Variants in EPHB3 observed in about 807,000 individuals in gnomAD.
EPHB3 encodes the protein ephrin type-B receptor 3.
In EPHB3, 33 loss-of-function variants were observed where a neutral mutation model predicts 100.2. That is an observed-to-expected ratio of 0.33 (90% CI 0.25 to 0.44). The LOEUF is 0.44. Ranked by LOEUF, EPHB3 falls within the 20% of genes least tolerant of loss-of-function variation. The pLI is 1.00. For synonymous variants in EPHB3, 526 were observed against 554.7 expected (o/e 0.95, Z 0.73); for missense variants, 1,045 against 1,378.3 (o/e 0.76, Z 3.83).
chr3:184,571,387 G>A lies in EPHB3; in HGVS notation c.183+5G>A. On this transcript the variant is annotated splice_donor_5th_base_variant and intron_variant, in intron 2 of 15. Transcript: ENST00000330394. This position sits in a 1 kb window ranked among gnomAD's most constrained non-coding sequence, Gnocchi z 5.0. ...ACATCTCATCCAGAAAGTGGGGTGA[G>A]GCTTTCCCATCATTCTCCTGAGTGT... The A allele has an allele frequency of 6.2e-7, 1 of 1,613,906 alleles. No individual in the cohort carries two copies. Among genetic ancestry groups the A allele is most frequent in the Non-Finnish European group, 8.5e-7 (1 of 1,179,874 alleles).
Position 184,575,949 on chromosome 3 carries a change from C to T in EPHB3, c.976C>T (p.Arg326Cys), listed in dbSNP as rs1714664996. Residue 326 changes from arginine to cysteine, a missense_variant, in exon 4 of 16, where the codon CGT becomes TGT. By Grantham distance (180) the Arg-to-Cys change is radical. Transcript: ENST00000330394. Reference sequence around the variant, plus strand: ...CTGCACCTGCCACAATAACTTCTACCGTGCAGACTCGGACTCTGCGGACAG... The same window carrying T: ...CTGCACCTGCCACAATAACTTCTACTGTGCAGACTCGGACTCTGCGGACAG... ...SICTCHNNFY[R>C]ADSDSADSAC... is the part of the protein sequence containing the mutation. 1.9e-6 allele frequency: 3 copies of T among 1,613,826 alleles called. No homozygotes were observed. The highest frequency in any genetic ancestry group is 2.5e-6 in the Non-Finnish European group (3 of 1,179,864).
chr3:184,578,362 A>C lies in EPHB3; in HGVS notation c.1749-52A>C. On this transcript the variant is annotated intron_variant, in intron 8 of 15. Transcript: ENST00000330394. This position sits in a 1 kb window ranked among gnomAD's most constrained non-coding sequence, Gnocchi z 4.7. ...GTGAGCCCAAGGGTGCCCTGAACAA[A>C]GGGAGGCAGATGACTTGTCTCAGGC... 6.2e-7 allele frequency: 1 copy of C among 1,612,798 alleles called. No individual in the cohort carries two copies.
rs1714306226 is a variant in EPHB3 at position 184,563,273 on chromosome 3, C to T, written c.118+920C>T. Among the ~76,000 whole-genome samples, 1 of 152,156 alleles carries T rather than the reference C, an allele frequency of 6.6e-6. No individual in the cohort carries two copies. Among genetic ancestry groups the T allele is most frequent in the Admixed American group, 6.5e-5 (1 of 15,282 alleles). On this transcript the variant is annotated intron_variant, in intron 1 of 15. Coordinates refer to ENST00000330394, the MANE Select transcript of EPHB3 (RefSeq NM_004443.4). The surrounding 1 kb of genome is among the most constrained non-coding windows in gnomAD (Gnocchi z 4.1). ...AGGGAGGCCCACACACACTCACGCCCCGTTTCCAAGAATTTCGGAGCCATT... is the reference window on the plus strand; with the variant it reads ...AGGGAGGCCCACACACACTCACGCCTCGTTTCCAAGAATTTCGGAGCCATT...
Position 184,562,488 on chromosome 3 carries a change from G to A in EPHB3, c.118+135G>A. The A allele has an allele frequency of 8.9e-7, 1 of 1,121,536 alleles. No individual in the cohort carries two copies. Among genetic ancestry groups the A allele is most frequent in the East Asian group, 4.3e-5 (1 of 23,078 alleles). The allele number at this position is 1,121,536 out of a possible 1,614,324, so 69.5% of individuals were successfully genotyped here. ...CCACCGGCGCCCGCTCCGGGGCCCA[G>A]GGATGGGGTGGGGAGGCCGCCCCTG... On this transcript the variant is annotated intron_variant, in intron 1 of 15. Coordinates refer to ENST00000330394, the MANE Select transcript of EPHB3 (RefSeq NM_004443.4). The surrounding 1 kb of genome is among the most constrained non-coding windows in gnomAD (Gnocchi z 4.8).
Position 184,571,905 on chromosome 3 carries a change from G to C in EPHB3, c.183+523G>C, listed in dbSNP as rs142123395. On this transcript the variant is annotated intron_variant, in intron 2 of 15. Coordinates refer to ENST00000330394, the MANE Select transcript of EPHB3 (RefSeq NM_004443.4). The surrounding 1 kb of genome is among the most constrained non-coding windows in gnomAD (Gnocchi z 5.0). Reference sequence around the variant, plus strand: ...ACCCTGGAGTACGATGGCACTACAGGCCCTGCAGTCACCAGGCCTGACTGT... The same window carrying C: ...ACCCTGGAGTACGATGGCACTACAGCCCCTGCAGTCACCAGGCCTGACTGT... Among the ~76,000 whole-genome samples the C allele has an allele frequency of 0.011, 1,634 of 152,114 alleles. 48 individuals are homozygous for C. The highest frequency in any genetic ancestry group is 0.037 in the African/African-American group (1,535 of 41,468).
Position 184,581,426 on chromosome 3 carries a change from T to A in EPHB3, c.2888+18T>A. 1 of 1,583,102 alleles carries A rather than the reference T, an allele frequency of 6.3e-7. No homozygotes were observed. Among genetic ancestry groups the A allele is most frequent in the Non-Finnish European group, 8.6e-7 (1 of 1,163,468 alleles). ...ACGGCAGAGTAAGTGTGCCTCAGAT[T>A]TGGAGGAGCAGGGCAGGGGGCCCTA... On this transcript the variant is annotated intron_variant, in intron 15 of 15. Coordinates refer to ENST00000330394, the MANE Select transcript of EPHB3 (RefSeq NM_004443.4).
At position 184,579,789 on chromosome 3, in the gene EPHB3, G is replaced by A. The variant is rs1714774485; in HGVS notation, c.2027G>A (p.Arg676Gln). ...AAGGTGGGCTACACCGAGAGGCAGCGGCGGGACTTCCTAAGCGAGGCCTCC... is the reference window on the plus strand; with the variant it reads ...AAGGTGGGCTACACCGAGAGGCAGCAGCGGGACTTCCTAAGCGAGGCCTCC... ...TLKVGYTERQRRDFLSEASIM... is the reference protein window; with the variant it reads ...TLKVGYTERQQRDFLSEASIM... The change falls in exon 11 of 16, where the codon CGG (arginine) becomes CAG (glutamine). Residue 676 changes from arginine (R) to glutamine (Q), a missense_variant. Physicochemically the swap from Arg to Gln is conservative, Grantham distance 43. Around this residue, in one of 2 missense-constraint regions of EPHB3, gnomAD observed 985 missense variants for 1,331.1 expected, o/e 0.74. Coordinates refer to ENST00000330394, the MANE Select transcript of EPHB3 (RefSeq NM_004443.4). This position sits in a 1 kb window ranked among gnomAD's most constrained non-coding sequence, Gnocchi z 5.2. The A allele has an allele frequency of 6.2e-6, 10 of 1,613,804 alleles. No homozygotes were observed. Among genetic ancestry groups the A allele is most frequent in the South Asian group, 1.1e-5 (1 of 91,042 alleles).
At chr3:184,575,754 G>A in intron 3 of EPHB3, 76 bp from the exon 4 acceptor site, 1 of 1,490,414 alleles carries the variant, frequency 6.7e-7, no homozygotes, top group Non-Finnish European at 8.9e-7. Context: ...GAGAAGCCAG[G>A]TTCTCATGGA....
In EPHB3 at chr3:184,580,407, C is replaced by T. The variant is rs367573706; in HGVS notation, c.2178C>T (p.Asn726=). 25 of 1,614,056 alleles carry T rather than the reference C, an allele frequency of 1.5e-5. No individual in the cohort carries two copies. The African/African-American group carries it at 2.0e-4, about 13-fold the overall frequency. Residue 726 remains asparagine, a synonymous_variant, in exon 12 of 16, where the codon AAC becomes AAT. Coordinates refer to ENST00000330394, the MANE Select transcript of EPHB3 (RefSeq NM_004443.4). ...AGCCTGCTTGTTGCCTGCAGCTCAACGATGGGCAGTTCACGGTCATCCAGC... is the reference window on the plus strand; with the variant it reads ...AGCCTGCTTGTTGCCTGCAGCTCAATGATGGGCAGTTCACGGTCATCCAGC... ...NCALDSFLRL[N]DGQFTVIQLV... is the part of the protein sequence containing the mutation.
Position 184,573,039 on chromosome 3 carries a change from C to A in EPHB3, c.719C>A (p.Thr240Asn). 1 of 1,613,248 alleles carries A rather than the reference C, an allele frequency of 6.2e-7. No individual in the cohort carries two copies. The change falls in exon 3 of 16, where the codon ACC becomes AAC. Residue 240 changes from threonine to asparagine, a missense_variant. Around this residue, in one of 2 missense-constraint regions of EPHB3, gnomAD observed 985 missense variants for 1,331.1 expected, o/e 0.74. Coordinates refer to ENST00000330394, the MANE Select transcript of EPHB3 (RefSeq NM_004443.4). This position sits in a 1 kb window ranked among gnomAD's most constrained non-coding sequence, Gnocchi z 4.5. ...ACCTCGCTGGTCATTGCTCCTGGCA[C>A]CTGCATCCCTAACGCCGTGGAGGTG... The part of the protein sequence containing the change: ...EPTSLVIAPG[T>N]CIPNAVEVSV...
chr3:184,566,015 GATT>G (rs1714375531), intron 1 of EPHB3, among the ~76,000 whole-genome samples: 1 of 152,184 alleles, frequency 6.6e-6, no homozygotes, highest in South Asian at 2.1e-4. Flanking sequence ...GGTTTGTCGG[GATT>G]GGGCAGCTGG....
rs1190422204 is a variant in EPHB3 at position 184,572,978 on chromosome 3, G to T, written c.658G>T (p.Ala220Ser). The T allele has an allele frequency of 1.3e-5, 21 of 1,604,522 alleles. No individual in the cohort carries two copies. The highest frequency in any genetic ancestry group is 1.7e-5 in the Non-Finnish European group (20 of 1,174,900). The change falls in exon 3 of 16, where the codon GCA becomes TCA. Residue 220 changes from alanine (A) to serine (S), a missense_variant. Transcript: ENST00000330394. This position sits in a 1 kb window ranked among gnomAD's most constrained non-coding sequence, Gnocchi z 6.6. Reference sequence around the variant, plus strand: ...GTGTGCATCCACCACCGCAGGCTTCGCACTCTTCCCCGAGACCCTCACTGG... The same window carrying T: ...GTGTGCATCCACCACCGCAGGCTTCTCACTCTTCCCCGAGACCCTCACTGG... ...KKCASTTAGFALFPETLTGAE... is the reference protein window; with the variant it reads ...KKCASTTAGFSLFPETLTGAE...
intron 3 of EPHB3, among the ~76,000 whole-genome samples, chr3:184,574,006 C>T (rs752355954): frequency 1.3e-5 from 2 of 152,126 alleles, no homozygotes; most frequent in Non-Finnish European, 1.5e-5. Context: ...TAAGCCACCA[C>T]TCCTGGCCCT....
chr3:184,575,865 G>A lies in EPHB3; in HGVS notation c.892G>A (p.Glu298Lys), dbSNP rs778100986. The A allele has an allele frequency of 1.2e-6, 2 of 1,612,982 alleles. No individual in the cohort carries two copies. The highest frequency in any genetic ancestry group is 1.7e-6 in the Non-Finnish European group (2 of 1,179,522). ...PPGSYKAKQG[E>K]GPCLPCPPNS... ...TGGGAGCTACAAGGCGAAGCAGGGA[G>A]AGGGGCCCTGCCTCCCATGTCCCCC... is the stretch of plus-strand genomic sequence containing the variant. Residue 298 changes from glutamate (E) to lysine (K), a missense_variant, in exon 4 of 16, where the codon GAG (glutamate) becomes AAG (lysine). Glu to Lys is a moderately conservative substitution (Grantham distance 56). Transcript: ENST00000330394.
At chr3:184,567,763 A>T (rs988638787) in intron 1 of EPHB3, among the ~76,000 whole-genome samples, 1 of 152,126 alleles carries the variant, frequency 6.6e-6, no homozygotes, top group Non-Finnish European at 1.5e-5. Flanking sequence ...AGCATGTGCA[A>T]TTGGGTGTGT....
At position 184,581,580 on chromosome 3, in the gene EPHB3, C is replaced by T. The variant is rs1560065953; in HGVS notation, c.2955C>T (p.Asp985=). 6.2e-7 allele frequency: 1 copy of T among 1,613,662 alleles called. No individual in the cohort carries two copies. The highest frequency in any genetic ancestry group is 1.7e-5 in the Admixed American group (1 of 59,996). The change falls in exon 16 of 16, where the codon GAC becomes GAT. Residue 985 remains aspartate (D), a synonymous_variant. Transcript: ENST00000330394. ...HQKKILSSIQ[D]MRLQMNQTLP... ...AGAAGATCCTGAGCAGTATCCAGGA[C>T]ATGCGGCTGCAGATGAACCAGACGC...
At position 184,572,676 on chromosome 3, in the gene EPHB3, T is replaced by A; in HGVS notation, c.356T>A (p.Ile119Asn). The A allele has an allele frequency of 6.3e-7, 1 of 1,598,250 alleles. No homozygotes were observed. Among genetic ancestry groups the A allele is most frequent in the Admixed American group, 1.8e-5 (1 of 56,960 alleles). ...LKFTVRDCNS[I>N]PNIPGSCKET... The stretch of plus-strand genomic sequence containing the variant: ...TTCACTGTGCGTGACTGCAACAGCA[T>A]CCCCAACATCCCCGGCTCCTGCAAG... Residue 119 changes from isoleucine to asparagine, a missense_variant, in exon 3 of 16, where the codon ATC becomes AAC. Ile to Asn is a moderately radical substitution (Grantham distance 149). Coordinates refer to ENST00000330394, the MANE Select transcript of EPHB3 (RefSeq NM_004443.4). This position sits in a 1 kb window ranked among gnomAD's most constrained non-coding sequence, Gnocchi z 6.6.
rs749833291 is a variant in EPHB3, at chr3:184,580,813, G to A, written c.2473G>A (p.Gly825Arg). ...FTSASDVWSY[G>R]IVMWEVMSYG... ...TTCTGCTAGTGATGTCTGGAGCTAC[G>A]GAATTGTCATGTGGGAGGTCATGAG... The change falls in exon 13 of 16, where the codon GGA (glycine) becomes AGA (arginine). Residue 825 changes from glycine (G) to arginine (R), a missense_variant. By Grantham distance (125) the Gly-to-Arg change is moderately radical (BLOSUM62 -2). Transcript: ENST00000330394. 10 of 1,614,106 alleles carry A rather than the reference G, an allele frequency of 6.2e-6. No individual in the cohort carries two copies. Among genetic ancestry groups the A allele is most frequent in the Non-Finnish European group, 8.5e-6 (10 of 1,180,042 alleles).
Position 184,578,115 on chromosome 3 carries a change from G to A in EPHB3, c.1748+109G>A. The A allele has an allele frequency of 1.6e-6, 2 of 1,264,006 alleles. No homozygotes were observed. The highest frequency in any genetic ancestry group is 1.1e-6 in the Non-Finnish European group (1 of 920,110). 78.3% of individuals were successfully genotyped at this position (1,264,006 alleles called of 1,614,324 possible). ...CGCCACCACTTCCCTCAGACCCAGG[G>A]CCTTAGCCCTCCTGGGGCCAGCCGT... is the stretch of plus-strand genomic sequence containing the variant. On this transcript the variant is annotated intron_variant, in intron 8 of 15. Transcript: ENST00000330394. The surrounding 1 kb of genome is among the most constrained non-coding windows in gnomAD (Gnocchi z 4.7).
Sources: gnomAD v4.1 joint callset for allele counts (sites outside exome capture counted in the v4.1 genomes callset) on GRCh38, gnomAD v4.1.1 for gene constraint, gnomAD v4.1.1 regional missense constraint, Gnocchi (gnomAD v3.1) non-coding constraint, MANE v1.5 for transcripts, NCBI Gene and HGNC (gene_info 2026-07-23, HGNC 2026-07-21) for gene names.